PALM2AKAP2: variants seen among roughly 807,000 people sequenced by gnomAD.
PALM2AKAP2 encodes PALM2-AKAP2 fusion protein.
In PALM2AKAP2, 37 loss-of-function variants were observed where a neutral mutation model predicts 71.5. The ratio of observed to expected loss-of-function variants is 0.52; its 90% confidence interval spans 0.40 to 0.68. The LOEUF (loss-of-function observed/expected upper bound fraction) is 0.68. Among genes scored for constraint, PALM2AKAP2 ranks in the 30% least tolerant of loss-of-function variants. PALM2AKAP2 has a pLI of 0.00. For synonymous variants in PALM2AKAP2, 468 were observed against 478.8 expected (o/e 0.98, Z 0.29); for missense variants, 1,224 against 1,191.8 (o/e 1.03, Z -0.40).
intron 1 of PALM2AKAP2, among the ~76,000 whole-genome samples, chr9:109,799,912 G>A (rs768985629): frequency 6.6e-6 from 1 of 152,236 alleles, no homozygotes; most frequent in Non-Finnish European, 1.5e-5. Flanking sequence ...GAGTTGGAAT[G>A]TGGAGGCTAT....
At chr9:110,046,826 A>C (rs1364225806), upstream of PALM2AKAP2, among the ~76,000 whole-genome samples, 1 of 152,198 alleles carries the variant, frequency 6.6e-6, no homozygotes, top group Non-Finnish European at 1.5e-5. Context: ...CACTTATTCT[A>C]ATTTAGGAAA....
intron 1 of PALM2AKAP2, among the ~76,000 whole-genome samples, chr9:109,641,901 A>C (rs996470628): frequency 6.6e-6 from 1 of 151,716 alleles, no homozygotes; most frequent in Non-Finnish European, 1.5e-5. Context: ...TAATCCTCAG[A>C]AAGGCTGCTA....
chr9:110,050,687 G>T (rs1833693855), intron 1 of PALM2AKAP2, among the ~76,000 whole-genome samples: 1 of 151,964 alleles, frequency 6.6e-6, no homozygotes. Context: ...GAGTGCAATG[G>T]CATGATCTTG....
intron 1 of PALM2AKAP2, among the ~76,000 whole-genome samples, chr9:109,826,448 AG>A (rs1828153970): frequency 6.6e-6 from 1 of 152,180 alleles, no homozygotes; most frequent in South Asian, 2.1e-4. Context: ...ATGTTTAATC[AG>A]GCACTAAAGG....
At chr9:109,790,451 GA>G (rs1564149781) in intron 1 of PALM2AKAP2, among the ~76,000 whole-genome samples, 2 of 152,104 alleles carry the variant, frequency 1.3e-5, no homozygotes, top group African/African-American at 4.8e-5. Context: ...ATTCTTAAGA[GA>G]AAAACATGCT....
intron 2 of PALM2AKAP2, among the ~76,000 whole-genome samples, chr9:109,872,383 G>T (rs1470799655): frequency 6.6e-6 from 1 of 151,888 alleles, no homozygotes; most frequent in Non-Finnish European, 1.5e-5. Flanking sequence ...CTATTTTATT[G>T]GTCTGTTCAA....
At chr9:110,043,716 G>GTTTTTTTTT (rs61128628), upstream of PALM2AKAP2, among the ~76,000 whole-genome samples, 8 of 91,580 alleles carry the variant, frequency 8.7e-5, no homozygotes, top group Admixed American at 1.5e-4. Context: ...TTTTTTTGGT[G>GTTTTTTTTT]TTTTTTTTTT....
At chr9:110,130,981 T>A (rs541882040) in intron 1 of PALM2AKAP2, among the ~76,000 whole-genome samples, 22 of 152,128 alleles carry the variant, frequency 1.4e-4, no homozygotes, top group Admixed American at 1.1e-3. Flanking sequence ...GCTTCAGGGG[T>A]TCTTGGGAGT....
At chr9:109,690,258 G>A (rs1189317848) in intron 1 of PALM2AKAP2, among the ~76,000 whole-genome samples, 1 of 152,152 alleles carries the variant, frequency 6.6e-6, no homozygotes, top group Non-Finnish European at 1.5e-5. Flanking sequence ...CTAATAGTTG[G>A]TATAGATCTT....
At chr9:109,788,956 A>T (rs1827036602) in intron 1 of PALM2AKAP2, among the ~76,000 whole-genome samples, 2 of 152,228 alleles carry the variant, frequency 1.3e-5, no homozygotes, top group Non-Finnish European at 2.9e-5. Flanking sequence ...TTCTCACATT[A>T]CACTGGCTAA....
intron 2 of PALM2AKAP2, among the ~76,000 whole-genome samples, chr9:109,877,359 T>C (rs1205933668): frequency 6.6e-6 from 1 of 151,948 alleles, no homozygotes; most frequent in African/African-American, 2.4e-5. Context: ...AATGGATGAA[T>C]TGGGAAATTC....
intron 1 of PALM2AKAP2, among the ~76,000 whole-genome samples, chr9:110,097,482 G>A (rs563066545): frequency 3.2e-4 from 49 of 151,564 alleles, no homozygotes; most frequent in Non-Finnish European, 5.8e-4. Flanking sequence ...CCTCCCAGAC[G>A]GGGTGGTGGC....
intron 6 of PALM2AKAP2, among the ~76,000 whole-genome samples, chr9:110,005,414 T>C (rs1422616334): frequency 2.6e-5 from 4 of 152,220 alleles, no homozygotes; most frequent in Non-Finnish European, 5.9e-5. Flanking sequence ...TACCCGGCTA[T>C]GTGAGATGTC....
intron 1 of PALM2AKAP2, among the ~76,000 whole-genome samples, chr9:109,654,364 T>A (rs1434711961): frequency 6.6e-6 from 1 of 152,218 alleles, no homozygotes; most frequent in East Asian, 1.9e-4. Flanking sequence ...GTTAGTAAGT[T>A]GTGTTTTCAT....
intron 3 of PALM2AKAP2, among the ~76,000 whole-genome samples, chr9:109,900,078 A>G (rs146795140): frequency 2.0e-5 from 3 of 152,218 alleles, no homozygotes; most frequent in African/African-American, 7.2e-5. Context: ...AAAAGTGCAG[A>G]TGACATGCCC....
At chr9:110,138,666 A>G (rs1835957959) in intron 2 of PALM2AKAP2, 127 bp downstream of exon 8, 1 of 1,431,502 alleles carries the variant, frequency 7.0e-7, no homozygotes, top group African/African-American at 1.4e-5. Context: ...GGACACTGGC[A>G]TGAGAATTCC....
intron 1 of PALM2AKAP2, among the ~76,000 whole-genome samples, chr9:109,830,136 C>T (rs116874105): frequency 1.3e-5 from 2 of 152,202 alleles, no homozygotes; most frequent in African/African-American, 4.8e-5. Flanking sequence ...AAGTGACGAC[C>T]TAGTCCTTAG....
intron 6 of PALM2AKAP2, among the ~76,000 whole-genome samples, chr9:109,965,363 A>G (rs1831927879): frequency 6.6e-6 from 1 of 152,260 alleles, no homozygotes; most frequent in South Asian, 2.1e-4. Context: ...TGAATGGATA[A>G]ACAAAATGTG....
chr9:109,699,932 C>T (rs1283761225), intron 1 of PALM2AKAP2, among the ~76,000 whole-genome samples: 11 of 152,114 alleles, frequency 7.2e-5, no homozygotes, highest in South Asian at 2.1e-4. Context: ...TGTGCCGCCA[C>T]ACCCGGCTAA....
Sources: gnomAD v4.1 joint callset for allele counts (sites outside exome capture counted in the v4.1 genomes callset) on GRCh38, gnomAD v4.1.1 for gene constraint, MANE v1.5 for transcripts, NCBI Gene and HGNC (gene_info 2026-07-23, HGNC 2026-07-21) for gene names.